RASGRF2: variants seen among roughly 807,000 people sequenced by gnomAD.
RASGRF2 encodes the protein Ras protein specific guanine nucleotide releasing factor 2.
In RASGRF2, 76 loss-of-function variants were observed where a neutral mutation model predicts 151.0. That is an observed-to-expected ratio of 0.50 (90% confidence interval 0.42 to 0.61). The LOEUF is 0.61. Ranked by LOEUF, RASGRF2 falls within the 20% of genes least tolerant of loss-of-function variation. The probability of loss-of-function intolerance (pLI) is 0.00; values close to 1 mark genes in which losing one functional copy is unlikely to be tolerated. For missense variants in RASGRF2, 1,148 were observed against 1,564.6 expected (o/e 0.73, Z 4.49); for synonymous variants, 504 against 566.5 (o/e 0.89, Z 1.57).
chr5:81,177,415 T>C (rs937910948), intron 17 of RASGRF2, among the ~76,000 whole-genome samples: 1 of 152,022 alleles, frequency 6.6e-6, no homozygotes, highest in Non-Finnish European at 1.5e-5. Context: ...TTAGAGATTT[T>C]TTTTTTTCTC....
intron 12 of RASGRF2, among the ~76,000 whole-genome samples, chr5:81,096,801 T>C (rs561621123): frequency 6.6e-6 from 1 of 152,164 alleles, no homozygotes; most frequent in African/African-American, 2.4e-5. Flanking sequence ...CTGCTTATAC[T>C]AGATGTTAAG....
At chr5:81,218,795 G>A (rs929077422) in intron 25 of RASGRF2, among the ~76,000 whole-genome samples, 19 of 152,156 alleles carry the variant, frequency 1.2e-4, no homozygotes, top group Admixed American at 1.1e-3. Flanking sequence ...TGGCAGTATG[G>A]TCATTTTCAC....
At chr5:81,087,746 A>G (rs1457509333) in intron 9 of RASGRF2, 3 of 211,940 alleles carry the variant, frequency 1.4e-5, no homozygotes, top group African/African-American at 6.9e-5. Context: ...TATTGCACAC[A>G]TTTATAATTT....
intron 1 of RASGRF2, among the ~76,000 whole-genome samples, chr5:81,000,657 G>T (rs769486381): frequency 6.6e-6 from 1 of 151,998 alleles, no homozygotes; most frequent in Admixed American, 6.6e-5. Context: ...GAGCATATCC[G>T]ACTTTACCCA....
chr5:81,108,298 G>A (rs1752899120), intron 12 of RASGRF2, among the ~76,000 whole-genome samples: 1 of 152,140 alleles, frequency 6.6e-6, no homozygotes, highest in African/African-American at 2.4e-5. Context: ...AATTGATAAG[G>A]CATAGATTAA....
At position 81,073,344 on chromosome 5, in the gene RASGRF2, A is replaced by T. The variant is rs760338806; in HGVS notation, c.779A>T (p.His260Leu). The T allele has an allele frequency of 6.8e-6, 11 of 1,614,066 alleles. No individual in the cohort carries two copies. The African/African-American group carries it at 1.5e-4, about 22-fold the overall frequency. ...GTGGAGGCAGAGTCAGAGTACGTTCACCAGCTCTACATCCTGGTCAATGGC... is the reference window on the plus strand; with the variant it reads ...GTGGAGGCAGAGTCAGAGTACGTTCTCCAGCTCTACATCCTGGTCAATGGC... ...TMVEAESEYV[H>L]QLYILVNGFL... Residue 260 changes from histidine to leucine, a missense_variant, in exon 5 of 27, where the codon CAC becomes CTC. By Grantham distance (99) the His-to-Leu change is moderately conservative (BLOSUM62 -3). This residue lies in a region of RASGRF2 where 176 missense variants were observed against 309.6 expected (regional missense o/e 0.57). Coordinates refer to ENST00000265080, the MANE Select transcript of RASGRF2 (RefSeq NM_006909.3).
chr5:81,106,684 A>G (rs1752856143), intron 12 of RASGRF2, among the ~76,000 whole-genome samples: 1 of 152,146 alleles, frequency 6.6e-6, no homozygotes, highest in Admixed American at 6.5e-5. Flanking sequence ...GAACTTTCCC[A>G]TAGAGAGGTA....
At position 81,113,602 on chromosome 5, in the gene RASGRF2, T is replaced by G. The variant is rs754379383; in HGVS notation, c.2152T>G (p.Ser718Ala). Reference protein sequence around the residue: ...NRGEHLVDGKSPRLCRKFSSP... With the variant: ...NRGEHLVDGKAPRLCRKFSSP... ...AGGTGAACATTTGGTGGATGGCAAA[T>G]CCCCACGTCTGTGTCGCAAATTCTC... Residue 718 changes from serine (S) to alanine (A), a missense_variant, in exon 15 of 27, where the codon TCC (serine) becomes GCC (alanine). Transcript: ENST00000265080. The G allele has an allele frequency of 1.9e-6, 3 of 1,609,042 alleles. No homozygotes were observed. The East Asian group carries it at 6.7e-5, about 36-fold the overall frequency.
chr5:81,068,253 A>G (rs1751669555), intron 3 of RASGRF2, 74 bp downstream of exon 3: 3 of 1,503,338 alleles, frequency 2.0e-6, no homozygotes, highest in East Asian at 2.3e-5. Context: ...CTTAAGGCCT[A>G]TTCAGGGCAA....
chr5:81,124,818 T>C lies in RASGRF2; in HGVS notation c.2596+1051T>C, dbSNP rs201386500. Among the ~76,000 whole-genome samples, 10 of 152,190 alleles carry C rather than the reference T, an allele frequency of 6.6e-5. No homozygotes were observed. The East Asian group carries it at 1.9e-3, about 29-fold the overall frequency. On this transcript the variant is annotated intron_variant, in intron 16 of 26. Coordinates refer to ENST00000265080, the MANE Select transcript of RASGRF2 (RefSeq NM_006909.3). ...TTTGCTTTTCTCTTCTTAAGCCAAT[T>C]ATTTCAAGTCAGAACAGAAAATTAC...
At chr5:81,178,839 C>T (rs999882295) in intron 17 of RASGRF2, among the ~76,000 whole-genome samples, 3 of 152,156 alleles carry the variant, frequency 2.0e-5, no homozygotes, top group East Asian at 1.9e-4. Context: ...CCCGGGTTCA[C>T]GCCATTCTCC....
chr5:81,000,240 T>G (rs1475629926), intron 1 of RASGRF2, among the ~76,000 whole-genome samples: 1 of 152,224 alleles, frequency 6.6e-6, no homozygotes, highest in Non-Finnish European at 1.5e-5. Context: ...TGCTTTCCTT[T>G]AAGTTCCAAC....
chr5:81,107,003 G>A (rs1046469259), intron 12 of RASGRF2, among the ~76,000 whole-genome samples: 2 of 152,112 alleles, frequency 1.3e-5, no homozygotes, highest in African/African-American at 4.8e-5. Context: ...CTACAGGGTT[G>A]TGTGTTTGGA....
chr5:81,066,708 C>A (rs1050497783), intron 2 of RASGRF2, among the ~76,000 whole-genome samples: 14 of 152,282 alleles, frequency 9.2e-5, no homozygotes, highest in African/African-American at 3.4e-4. Flanking sequence ...TATGGCTGCC[C>A]AAAAATGGCA....
intron 17 of RASGRF2, among the ~76,000 whole-genome samples, chr5:81,162,029 T>TA (rs1554038999): frequency 3.9e-5 from 6 of 152,018 alleles, no homozygotes; most frequent in Admixed American, 3.9e-4. Flanking sequence ...ACGCGTAGCC[T>TA]AACTGTTTTT....
intron 26 of RASGRF2, among the ~76,000 whole-genome samples, chr5:81,223,981 ATAAAGT>A (rs1032362117): frequency 5.3e-5 from 8 of 152,234 alleles, no homozygotes; most frequent in Admixed American, 5.2e-4. Context: ...GCCAAGCTTG[ATAAAGT>A]TAATGAAAAT....
chr5:81,117,278 A>G (rs1031847144), intron 15 of RASGRF2, among the ~76,000 whole-genome samples: 6 of 152,228 alleles, frequency 3.9e-5, no homozygotes, highest in Non-Finnish European at 8.8e-5. Context: ...ATAATTGTAC[A>G]TGAATAGAAA....
chr5:81,169,028 C>G (rs181313173), intron 17 of RASGRF2, among the ~76,000 whole-genome samples: 9 of 152,186 alleles, frequency 5.9e-5, no homozygotes, highest in Non-Finnish European at 1.0e-4. Context: ...CACTCTGTAC[C>G]TATGTGAGCC....
At chr5:80,985,987 A>G (rs1244154289) in intron 1 of RASGRF2, among the ~76,000 whole-genome samples, 1 of 152,116 alleles carries the variant, frequency 6.6e-6, no homozygotes, top group Non-Finnish European at 1.5e-5. Context: ...GTGAAATTCA[A>G]TACAAAGAGT....
Sources: allele counts gnomAD v4.1 joint callset (sites outside exome capture counted in the v4.1 genomes callset), GRCh38; gene constraint gnomAD v4.1.1; regional missense constraint gnomAD v4.1.1; transcripts MANE v1.5; gene names NCBI Gene and HGNC (gene_info 2026-07-23, HGNC 2026-07-21).